Variants in TTC6 observed in about 807,000 individuals in gnomAD.
The protein encoded by TTC6 is tetratricopeptide repeat domain 6.
In TTC6, 172 loss-of-function variants were observed where a neutral mutation model predicts 210.4. The observed-to-expected ratio is 0.82, with a 90% CI of 0.72 to 0.93. The LOEUF (loss-of-function observed/expected upper bound fraction) is 0.93, where lower values mean the gene tolerates loss of function less well. Ranked by LOEUF, TTC6 falls within the 40% of genes least tolerant of loss-of-function variation. The pLI, the probability that TTC6 is intolerant of heterozygous loss-of-function variation, is 0.00. For synonymous variants in TTC6, 804 were observed against 819.6 expected (o/e 0.98, Z 0.32); for missense variants, 2,414 against 2,318.1 (o/e 1.04, Z -0.85).
At chr14:37,814,028 C>T (rs532956257) in intron 25 of TTC6, among the ~76,000 whole-genome samples, 36 of 152,324 alleles carry the variant, frequency 2.4e-4, no homozygotes, top group Non-Finnish European at 4.1e-4. Context: ...ACATGCTATT[C>T]TCTAAACAGA....
At chr14:37,841,697 A>C (rs765238116) in intron 30 of TTC6, 27 bp downstream of exon 32, 2 of 1,538,150 alleles carry the variant, frequency 1.3e-6, no homozygotes, top group African/African-American at 2.8e-5. Context: ...TATTCTGGTA[A>C]GATTACAGTG....
At chr14:37,722,732 C>G (rs981785988) in intron 6 of TTC6, among the ~76,000 whole-genome samples, 3 of 152,180 alleles carry the variant, frequency 2.0e-5, no homozygotes, top group Non-Finnish European at 4.4e-5. Flanking sequence ...CGGGTATATA[C>G]TATCGACATG....
intron 21 of TTC6, 123 bp downstream of exon 23, chr14:37,804,937 T>C: frequency 9.6e-7 from 1 of 1,044,634 alleles, no homozygotes; most frequent in Non-Finnish European, 1.4e-6. Flanking sequence ...TTATGAAGCT[T>C]GGCTTGTTAT....
intron 27 of TTC6, among the ~76,000 whole-genome samples, chr14:37,825,476 C>T (rs2096168750): frequency 6.6e-6 from 1 of 151,852 alleles, no homozygotes; most frequent in African/African-American, 2.4e-5. Flanking sequence ...TTTTTTAGCC[C>T]ATCAGAAAAA....
chr14:37,733,333 C>G (rs1023456436), intron 7 of TTC6, among the ~76,000 whole-genome samples: 7 of 151,942 alleles, frequency 4.6e-5, no homozygotes, highest in African/African-American at 1.7e-4. Context: ...CCTCGCATGT[C>G]AGACACTTAT....
At chr14:37,661,578 T>C (rs1040576333) in intron 1 of TTC6, among the ~76,000 whole-genome samples, 2 of 152,208 alleles carry the variant, frequency 1.3e-5, no homozygotes, top group African/African-American at 2.4e-5. Context: ...TGCAGCCTTA[T>C]AGTATAGTTT....
At chr14:37,671,760 T>C (rs1566878105) in intron 1 of TTC6, among the ~76,000 whole-genome samples, 1 of 151,936 alleles carries the variant, frequency 6.6e-6, no homozygotes, top group Non-Finnish European at 1.5e-5. Context: ...GTCGAGGGAG[T>C]GTCCAGTAAT....
chr14:37,752,802 G>A (rs1367567973), intron 13 of TTC6, among the ~76,000 whole-genome samples: 2 of 151,840 alleles, frequency 1.3e-5, no homozygotes, highest in Non-Finnish European at 1.5e-5. Flanking sequence ...CTCCACTCTA[G>A]TTGAACAATT....
At chr14:37,767,032 G>A (rs1272024256) in intron 14 of TTC6, among the ~76,000 whole-genome samples, 1 of 151,990 alleles carries the variant, frequency 6.6e-6, no homozygotes, top group Non-Finnish European at 1.5e-5. Context: ...TCCCACCTAT[G>A]AGTGAGAATA....
At chr14:37,803,831 C>T (rs1211058479) in intron 20 of TTC6, among the ~76,000 whole-genome samples, 3 of 152,140 alleles carry the variant, frequency 2.0e-5, no homozygotes, top group Non-Finnish European at 4.4e-5. Flanking sequence ...AGAGTGAGGA[C>T]AGAAGGAGGG....
intron 26 of TTC6, among the ~76,000 whole-genome samples, chr14:37,818,901 C>T (rs997882419): frequency 7.9e-5 from 12 of 152,144 alleles, no homozygotes; most frequent in Admixed American, 7.9e-4. Flanking sequence ...AGTGTCCGAG[C>T]TTGTTGCATT....
intron 14 of TTC6, among the ~76,000 whole-genome samples, chr14:37,783,181 T>C (rs1434305005): frequency 6.6e-6 from 1 of 152,176 alleles, no homozygotes; most frequent in Admixed American, 6.5e-5. Flanking sequence ...TTTCTATTGA[T>C]TGGAATAGTT....
At chr14:37,725,298 ATG>A (rs61712288) in intron 7 of TTC6, among the ~76,000 whole-genome samples, 7,396 of 61,968 alleles carry the variant, frequency 0.12, 574 homozygotes, top group East Asian at 0.18. Context: ...ATATGTATGT[ATG>A]TGTGTGTGTG....
chr14:37,800,633 C>G (rs1319135678), intron 20 of TTC6, among the ~76,000 whole-genome samples: 2 of 152,136 alleles, frequency 1.3e-5, no homozygotes, highest in South Asian at 2.1e-4. Context: ...TCTTCTTAAC[C>G]AAACCAGAGG....
intron 29 of TTC6, among the ~76,000 whole-genome samples, chr14:37,828,957 T>A (rs187928354): frequency 1.3e-5 from 2 of 152,164 alleles, no homozygotes; most frequent in African/African-American, 4.8e-5. Flanking sequence ...GCTACATTAT[T>A]TCATGTATAG....
chr14:37,736,061 A>G, intron 8 of TTC6, 51 bp downstream of exon 10: 2 of 925,632 alleles, frequency 2.2e-6, no homozygotes, highest in South Asian at 3.0e-5. Context: ...ATCTGCCTAC[A>G]GTCCAGATAT....
intron 1 of TTC6, among the ~76,000 whole-genome samples, chr14:37,652,938 G>A (rs2095715650): frequency 6.6e-6 from 1 of 152,120 alleles, no homozygotes; most frequent in African/African-American, 2.4e-5. Flanking sequence ...TTCCTATACA[G>A]TTCATGATTG....
chr14:37,794,240 G>T (rs1009690961), intron 17 of TTC6, among the ~76,000 whole-genome samples: 1 of 152,164 alleles, frequency 6.6e-6, no homozygotes, highest in African/African-American at 2.4e-5. Context: ...CAGGCATGAA[G>T]TTCCACAGAA....
intron 14 of TTC6, among the ~76,000 whole-genome samples, chr14:37,759,192 G>T (rs1005643677): frequency 2.0e-5 from 3 of 151,596 alleles, no homozygotes; most frequent in Admixed American, 2.0e-4. Context: ...GTACCTGGGA[G>T]GCGGAGGTTG....
Sources: gnomAD v4.1 joint callset for allele counts (sites outside exome capture counted in the v4.1 genomes callset) on GRCh38, gnomAD v4.1.1 for gene constraint, MANE v1.5 for transcripts, NCBI Gene and HGNC (gene_info 2026-07-23, HGNC 2026-07-21) for gene names.